OXSR1: variants seen among roughly 807,000 people sequenced by gnomAD.
The protein encoded by OXSR1 is oxidative stress responsive kinase 1.
In OXSR1, 24 loss-of-function variants were observed where a neutral mutation model predicts 79.8. The ratio of observed to expected loss-of-function variants is 0.30; its 90% CI spans 0.22 to 0.42. The LOEUF (loss-of-function observed/expected upper bound fraction) is 0.42. Among genes scored for constraint, OXSR1 ranks in the 10% least tolerant of loss-of-function variants. The pLI, the probability that OXSR1 is intolerant of heterozygous loss-of-function variation, is 1.00. For synonymous variants in OXSR1, 226 were observed against 209.2 expected (o/e 1.08, Z -0.69); for missense variants, 430 against 618.4 (o/e 0.70, Z 3.23).
chr3:38,237,556 T>G (rs1287816607), intron 11 of OXSR1, among the ~76,000 whole-genome samples: 2 of 152,162 alleles, frequency 1.3e-5, no homozygotes, highest in African/African-American at 2.4e-5. Flanking sequence ...CTTAGGACTG[T>G]TTTTGTGGGA....
intron 1 of OXSR1, among the ~76,000 whole-genome samples, chr3:38,180,926 C>T (rs1028835107): frequency 1.3e-5 from 2 of 152,048 alleles, no homozygotes; most frequent in Admixed American, 1.3e-4. Flanking sequence ...TACATTGGGC[C>T]CACCCAGACA....
chr3:38,217,653 A>T (rs1407641588), intron 5 of OXSR1, among the ~76,000 whole-genome samples: 1 of 152,010 alleles, frequency 6.6e-6, no homozygotes, highest in Non-Finnish European at 1.5e-5. Context: ...TCAGCCTCCC[A>T]AGTAGTTGGG....
At chr3:38,240,088 A>G (rs958620926) in intron 11 of OXSR1, among the ~76,000 whole-genome samples, 5 of 152,196 alleles carry the variant, frequency 3.3e-5, no homozygotes, top group Non-Finnish European at 5.9e-5. Context: ...ATTATATTTT[A>G]AGTGAATGTG....
rs1491372358 is a variant in OXSR1 at position 38,244,670 on chromosome 3, T to TGTGTGTGTGTGTGC, written c.1111-1404_1111-1403insTGTGTGTGTGTGCG. Among the ~76,000 whole-genome samples the TGTGTGTGTGTGTGC allele has an allele frequency of 8.5e-4, 128 of 149,708 alleles. 3 individuals carry two copies. The highest frequency in any genetic ancestry group is 3.5e-3 in the East Asian group (18 of 5,080). On this transcript the variant is annotated intron_variant, in intron 12 of 17. Coordinates refer to ENST00000311806, the MANE Select transcript of OXSR1 (RefSeq NM_005109.3). Reference sequence around the variant, plus strand: ...GTGTGTGTGTGTGTGTGTGTGTGCGTGCGCATGTACCACATTTTATTCATC... The same window carrying TGTGTGTGTGTGTGC: ...GTGTGTGTGTGTGTGTGTGTGTGCGTGTGTGTGTGTGTGCGCGCATGTACCACATTTTATTCATC...
intron 4 of OXSR1, among the ~76,000 whole-genome samples, chr3:38,204,724 C>G (rs1285476891): frequency 4.0e-5 from 6 of 151,562 alleles, no homozygotes; most frequent in African/African-American, 1.5e-4. Context: ...CCTCTCCTCT[C>G]TTCAAGCAGA....
intron 10 of OXSR1, 50 bp downstream of exon 10, chr3:38,230,480 C>T: frequency 7.9e-7 from 1 of 1,262,834 alleles, no homozygotes; most frequent in Admixed American, 1.8e-5. Context: ...TTTATTTTTG[C>T]ATTTTGAAAA....
chr3:38,243,490 T>G (rs955900637), intron 12 of OXSR1, among the ~76,000 whole-genome samples: 1 of 152,202 alleles, frequency 6.6e-6, no homozygotes, highest in Non-Finnish European at 1.5e-5. Context: ...AAACAGATTC[T>G]TATTGGGCTG....
chr3:38,178,500 G>A (rs1312773558), intron 1 of OXSR1, among the ~76,000 whole-genome samples: 1 of 151,122 alleles, frequency 6.6e-6, no homozygotes, highest in Admixed American at 6.6e-5. Flanking sequence ...GTGTGGTGGG[G>A]TGGTCTCGGC....
At chr3:38,250,897 G>A (rs541467773) in intron 15 of OXSR1, among the ~76,000 whole-genome samples, 1 of 152,224 alleles carries the variant, frequency 6.6e-6, no homozygotes, top group Admixed American at 6.5e-5. Flanking sequence ...TGAAGATGAG[G>A]TTAATTGGGG....
chr3:38,195,396 A>G (rs1392087555), intron 3 of OXSR1, among the ~76,000 whole-genome samples: 1 of 152,202 alleles, frequency 6.6e-6, no homozygotes, highest in Non-Finnish European at 1.5e-5. Context: ...TCTGATACTA[A>G]TAGTGACCAG....
At chr3:38,176,919 G>C (rs1401477787) in intron 1 of OXSR1, among the ~76,000 whole-genome samples, 1 of 152,122 alleles carries the variant, frequency 6.6e-6, no homozygotes, top group Non-Finnish European at 1.5e-5. Flanking sequence ...CATGGTTTTG[G>C]TTTACATAGG....
At chr3:38,248,079 A>C (rs560137949) in intron 14 of OXSR1, among the ~76,000 whole-genome samples, 2 of 152,300 alleles carry the variant, frequency 1.3e-5, no homozygotes, top group East Asian at 3.9e-4. Flanking sequence ...TCTGAAGATC[A>C]GTCTTATAAT....
intron 5 of OXSR1, among the ~76,000 whole-genome samples, chr3:38,218,415 T>G (rs973676501): frequency 6.6e-6 from 1 of 152,230 alleles, no homozygotes; most frequent in Non-Finnish European, 1.5e-5. Flanking sequence ...CCCTATTGAT[T>G]AGTGATGGTG....
intron 4 of OXSR1, among the ~76,000 whole-genome samples, chr3:38,200,339 T>C (rs759734996): frequency 7.2e-5 from 11 of 152,204 alleles, no homozygotes; most frequent in Non-Finnish European, 1.5e-4. Context: ...GTCTGAGTTA[T>C]AGCAGATTAA....
intron 1 of OXSR1, among the ~76,000 whole-genome samples, chr3:38,173,678 C>T (rs571015064): frequency 6.6e-6 from 1 of 152,296 alleles, no homozygotes; most frequent in African/African-American, 2.4e-5. Context: ...TGTGTGTGTT[C>T]TGCCCCAAAC....
At chr3:38,170,755 G>A (rs1484284696) in intron 1 of OXSR1, among the ~76,000 whole-genome samples, 1 of 152,078 alleles carries the variant, frequency 6.6e-6, no homozygotes. Context: ...GGAAGATGGG[G>A]GTCATTGTCT....
At chr3:38,166,905 GA>G (rs1701475739) in intron 1 of OXSR1, among the ~76,000 whole-genome samples, 1 of 152,104 alleles carries the variant, frequency 6.6e-6, no homozygotes, top group Non-Finnish European at 1.5e-5. Context: ...TGATTTCAAG[GA>G]AAATTCTTTT....
At chr3:38,176,444 A>G (rs989323728) in intron 1 of OXSR1, among the ~76,000 whole-genome samples, 5 of 152,234 alleles carry the variant, frequency 3.3e-5, no homozygotes, top group Admixed American at 1.3e-4. Flanking sequence ...TAATGAGAGA[A>G]CGTCATTGAT....
chr3:38,214,071 C>T (rs899741661), intron 4 of OXSR1, among the ~76,000 whole-genome samples: 2 of 151,810 alleles, frequency 1.3e-5, no homozygotes, highest in Non-Finnish European at 2.9e-5. Flanking sequence ...TTTATAACCC[C>T]GACGTTTGGA....
Sources: allele counts gnomAD v4.1 joint callset (sites outside exome capture counted in the v4.1 genomes callset), GRCh38; gene constraint gnomAD v4.1.1; transcripts MANE v1.5; gene names NCBI Gene and HGNC (gene_info 2026-07-23, HGNC 2026-07-21).